Variants in RBFOX1 observed in about 807,000 individuals in gnomAD.
RBFOX1 encodes RNA binding fox-1 homolog 1.
RBFOX1 carries 8 observed loss-of-function variants against 57.7 expected under a neutral mutation model. That is an observed-to-expected ratio of 0.14 (90% CI 0.08 to 0.25). The LOEUF (loss-of-function observed/expected upper bound fraction) is 0.25, where lower values mean the gene tolerates loss of function less well. Ranked by LOEUF, RBFOX1 falls within the 10% of genes least tolerant of loss-of-function variation. The probability of loss-of-function intolerance (pLI) is 1.00; values close to 1 mark genes in which losing one functional copy is unlikely to be tolerated. For missense variants in RBFOX1, 611 were observed against 548.5 expected (o/e 1.11, Z -1.14); for synonymous variants, 326 against 222.4 (o/e 1.47, Z -4.15).
chr16:5,590,477 G>A (rs1038325098), intron 2 of RBFOX1, among the ~76,000 whole-genome samples: 8 of 152,166 alleles, frequency 5.3e-5, no homozygotes, highest in African/African-American at 1.9e-4. Flanking sequence ...GCTGGGGGTG[G>A]TTTGATTCAG....
At chr16:7,021,751 GTAACAGTTTT>G (rs2039188889) in intron 3 of RBFOX1, among the ~76,000 whole-genome samples, 1 of 150,574 alleles carries the variant, frequency 6.6e-6, no homozygotes, top group Non-Finnish European at 1.5e-5. Context: ...AAAAACAAGA[GTAACAGTTTT>G]TATTTATTGA....
At chr16:7,484,994 T>G (rs1206378361) in intron 4 of RBFOX1, among the ~76,000 whole-genome samples, 2 of 152,138 alleles carry the variant, frequency 1.3e-5, no homozygotes, top group Non-Finnish European at 2.9e-5. Flanking sequence ...TTTTCATAAC[T>G]CAGTTGCATT....
chr16:6,940,202 A>C (rs2078122233), intron 3 of RBFOX1, among the ~76,000 whole-genome samples: 1 of 152,140 alleles, frequency 6.6e-6, no homozygotes, highest in African/African-American at 2.4e-5. Flanking sequence ...AAAAATAAAA[A>C]TAAATAAATA....
At chr16:7,674,692 C>G (rs1053375675) in intron 13 of RBFOX1, among the ~76,000 whole-genome samples, 1 of 152,208 alleles carries the variant, frequency 6.6e-6, no homozygotes, top group Admixed American at 6.5e-5. Flanking sequence ...TTGAGACCTT[C>G]ATAGATGACC....
intron 1 of RBFOX1, among the ~76,000 whole-genome samples, chr16:5,435,062 G>T (rs919812469): frequency 1.3e-5 from 2 of 152,212 alleles, no homozygotes; most frequent in Admixed American, 6.5e-5. Context: ...TGCAAAAGCA[G>T]TAAATGATAT....
chr16:7,066,853 C>A (rs1040707974), intron 4 of RBFOX1, among the ~76,000 whole-genome samples: 4 of 152,176 alleles, frequency 2.6e-5, no homozygotes, highest in African/African-American at 9.7e-5. Context: ...CAGTGAGTGG[C>A]AGAATCCTTC....
intron 13 of RBFOX1, among the ~76,000 whole-genome samples, chr16:7,674,769 T>G (rs973945103): frequency 6.6e-6 from 1 of 152,196 alleles, no homozygotes; most frequent in East Asian, 1.9e-4. Flanking sequence ...ATACATAACC[T>G]ACTAGTCAGT....
intron 4 of RBFOX1, among the ~76,000 whole-genome samples, chr16:7,052,678 T>G (rs2050519116): frequency 2.0e-5 from 3 of 152,232 alleles, no homozygotes; most frequent in Admixed American, 2.0e-4. Context: ...GTAAGAAGTA[T>G]TCCCTAGATG....
intron 3 of RBFOX1, among the ~76,000 whole-genome samples, chr16:6,846,131 C>T (rs1179711308): frequency 2.6e-5 from 4 of 152,144 alleles, no homozygotes; most frequent in African/African-American, 9.7e-5. Context: ...ATTCGTATAT[C>T]AGACTTGTTG....
chr16:7,709,109 C>T lies in RBFOX1; in HGVS notation c.1049C>T (p.Pro350Leu). ...DPYHHALAPA[P>L]TYGVGAMNAF... is the part of the protein sequence containing the mutation. ...TACCACCACGCACTTGCTCCAGCCCCCACCTACGGCGTTGGTGCCATGGTG... is the reference window on the plus strand; with the variant it reads ...TACCACCACGCACTTGCTCCAGCCCTCACCTACGGCGTTGGTGCCATGGTG... Residue 350 changes from proline to leucine, a missense_variant, in exon 15 of 16, where the codon CCC becomes CTC. Coordinates refer to ENST00000550418, the MANE Select transcript of RBFOX1 (RefSeq NM_018723.4). The T allele has an allele frequency of 1.2e-6, 2 of 1,613,548 alleles. No individual in the cohort carries two copies. Among genetic ancestry groups the T allele is most frequent in the Non-Finnish European group, 8.5e-7 (1 of 1,179,692 alleles).
At chr16:6,749,203 G>A (rs151115294) in intron 3 of RBFOX1, among the ~76,000 whole-genome samples, 3 of 152,256 alleles carry the variant, frequency 2.0e-5, no homozygotes. Flanking sequence ...GCTCTGCTGT[G>A]CATTCCAGGC....
chr16:6,450,454 G>A (rs926698969), intron 2 of RBFOX1, among the ~76,000 whole-genome samples: 1 of 151,510 alleles, frequency 6.6e-6, no homozygotes, highest in Non-Finnish European at 1.5e-5. Flanking sequence ...TAGGTACCTG[G>A]AATGGTGGAT....
chr16:7,081,429 T>G (rs542689198), intron 4 of RBFOX1, among the ~76,000 whole-genome samples: 1 of 152,306 alleles, frequency 6.6e-6, no homozygotes, highest in East Asian at 1.9e-4. Flanking sequence ...CTATTATAAC[T>G]TGGCCACTCC....
chr16:6,928,074 G>C (rs1471753986), intron 3 of RBFOX1, among the ~76,000 whole-genome samples: 1 of 152,082 alleles, frequency 6.6e-6, no homozygotes, highest in East Asian at 1.9e-4. Flanking sequence ...CCAGATGACT[G>C]GGAGCTGCTT....
intron 4 of RBFOX1, among the ~76,000 whole-genome samples, chr16:5,920,873 C>G (rs914602507): frequency 7.5e-6 from 1 of 133,740 alleles, no homozygotes; most frequent in Non-Finnish European, 1.7e-5. Flanking sequence ...AAAGGAAAAG[C>G]ACAGACACTT....
At chr16:7,319,993 T>C (rs1003068261) in intron 4 of RBFOX1, among the ~76,000 whole-genome samples, 1 of 152,152 alleles carries the variant, frequency 6.6e-6, no homozygotes, top group African/African-American at 2.4e-5. Context: ...GCAGAACATA[T>C]CTTCTAGGAC....
At chr16:7,286,076 T>G (rs935306289) in intron 4 of RBFOX1, among the ~76,000 whole-genome samples, 2 of 152,194 alleles carry the variant, frequency 1.3e-5, no homozygotes, top group Non-Finnish European at 2.9e-5. Flanking sequence ...AGAACATAAT[T>G]TACCACTCTA....
At chr16:6,087,622 G>A (rs113085699) in intron 1 of RBFOX1, among the ~76,000 whole-genome samples, 4 of 151,896 alleles carry the variant, frequency 2.6e-5, no homozygotes, top group African/African-American at 9.7e-5. Flanking sequence ...ATGCAGCATA[G>A]GAAACTCATT....
chr16:6,781,751 G>C (rs1476698890), intron 3 of RBFOX1, among the ~76,000 whole-genome samples: 1 of 151,992 alleles, frequency 6.6e-6, no homozygotes, highest in Non-Finnish European at 1.5e-5. Flanking sequence ...TTGAATTTCT[G>C]TGGTATCTGT....
Sources: allele counts gnomAD v4.1 joint callset (sites outside exome capture counted in the v4.1 genomes callset), GRCh38; gene constraint gnomAD v4.1.1; transcripts MANE v1.5; gene names NCBI Gene and HGNC (gene_info 2026-07-23, HGNC 2026-07-21).